Variants in MGLL observed in about 807,000 individuals in gnomAD.
The protein encoded by MGLL is lysophospholipase homolog.
In MGLL, 7 loss-of-function variants were observed where a neutral mutation model predicts 29.1. That is an observed-to-expected ratio of 0.24 (90% CI 0.14 to 0.45). The LOEUF is 0.45. Ranked by LOEUF, MGLL falls within the 20% of genes least tolerant of loss-of-function variation. MGLL has a pLI of 0.99. For missense variants in MGLL, 356 were observed against 413.6 expected, an observed-to-expected ratio of 0.86 and a Z score of 1.21; for synonymous variants, 148 against 168.3, an observed-to-expected ratio of 0.88 and a Z score of 0.93.
Position 127,710,707 on chromosome 3 carries a change from A to G in MGLL, c.511-42T>C, listed in dbSNP as rs370872759. ...AACAAGGGCTGTGAGCACAAGTGGC[A>G]TCCACACCCGGCTCTTCCGCAGTGA... is the stretch of plus-strand genomic sequence containing the variant. On this transcript the variant is annotated intron_variant, in intron 5 of 7. Coordinates refer to ENST00000265052, the MANE Select transcript of MGLL (RefSeq NM_007283.7). 6.8e-6 allele frequency: 10 copies of G among 1,475,590 alleles called. No individual in the cohort carries two copies. The African/African-American group carries it at 1.1e-4, about 17-fold the overall frequency. 91.4% of individuals were successfully genotyped at this position (1,475,590 alleles called of 1,614,324 possible). A position where few individuals can be genotyped will look rare whatever the true frequency, so the allele number is the denominator to read the frequency against.
intron 5 of MGLL, chr3:127,715,636 T>C (rs1463481729): frequency 8.8e-6 from 4 of 455,364 alleles, no homozygotes; most frequent in Admixed American, 4.7e-5. Context: ...GCAGAGGAAG[T>C]GGGTTGATTG....
intron 3 of MGLL, among the ~76,000 whole-genome samples, chr3:127,755,459 TG>T (rs1394969388): frequency 6.6e-6 from 1 of 152,148 alleles, no homozygotes; most frequent in East Asian, 1.9e-4. Flanking sequence ...ATATGCCAGT[TG>T]TAGGTCAATG....
At position 127,808,887 on chromosome 3, in the gene MGLL, A is replaced by G. The variant is rs1053587246; in HGVS notation, c.155+12807T>C. 1.3e-4 allele frequency among the ~76,000 whole-genome samples: 20 copies of G among 152,170 alleles called. 1 individual carries two copies. ...ATCAGCAGCCCAAACACTCACCACCATTTGGATCTTCCATCATTTGGATCC... is the reference window on the plus strand; with the variant it reads ...ATCAGCAGCCCAAACACTCACCACCGTTTGGATCTTCCATCATTTGGATCC... On this transcript the variant is annotated intron_variant, in intron 2 of 7. Transcript: ENST00000265052.
At chr3:127,778,109 T>C (rs1217634199) in intron 3 of MGLL, among the ~76,000 whole-genome samples, 2 of 152,236 alleles carry the variant, frequency 1.3e-5, no homozygotes, top group Admixed American at 1.3e-4. Flanking sequence ...AGTGAAATAC[T>C]GTAATGCATT....
At chr3:127,736,167 T>A in intron 3 of MGLL, 1 of 1,057,976 alleles carries the variant, frequency 9.5e-7, no homozygotes, top group Non-Finnish European at 1.1e-6. Flanking sequence ...CAACCCAAGT[T>A]TCACTTCTGC....
At chr3:127,730,953 A>T (rs2076140365) in intron 3 of MGLL, among the ~76,000 whole-genome samples, 1 of 152,212 alleles carries the variant, frequency 6.6e-6, no homozygotes, top group Non-Finnish European at 1.5e-5. Flanking sequence ...TCACCTGTGC[A>T]TTCCCTAGGG....
intron 2 of MGLL, among the ~76,000 whole-genome samples, chr3:127,792,891 C>T (rs1245558961): frequency 6.6e-6 from 1 of 152,212 alleles, no homozygotes; most frequent in East Asian, 1.9e-4. Flanking sequence ...CCTCTTTACA[C>T]ACATGGCAGG....
At chr3:127,723,673 T>G (rs2075978678) in intron 3 of MGLL, among the ~76,000 whole-genome samples, 4 of 152,212 alleles carry the variant, frequency 2.6e-5, no homozygotes, top group Admixed American at 6.5e-5. Context: ...TATTTTTACT[T>G]TTTACTGTGC....
chr3:127,796,009 T>TCCATGAACATCTTC (rs2077376786), intron 2 of MGLL, among the ~76,000 whole-genome samples: 1 of 152,232 alleles, frequency 6.6e-6, no homozygotes, highest in Admixed American at 6.5e-5. Context: ...TTAACATCTT[T>TCCATGAACATCTTC]CCATGAACAT....
chr3:127,708,486 G>A (rs2075647172), intron 6 of MGLL, among the ~76,000 whole-genome samples: 1 of 152,184 alleles, frequency 6.6e-6, no homozygotes, highest in African/African-American at 2.4e-5. Flanking sequence ...TAAGACCGAA[G>A]AATTTCTCAT....
At chr3:127,710,701 A>G (rs760133851) in intron 5 of MGLL, 36 bp from the exon 6 acceptor site, 1 of 1,500,598 alleles carries the variant, frequency 6.7e-7, no homozygotes, top group Non-Finnish European at 9.1e-7. Context: ...TGTGAGCACA[A>G]GTGGCATCCA....
chr3:127,735,955 C>A, intron 3 of MGLL: 2 of 1,470,058 alleles, frequency 1.4e-6, no homozygotes, highest in Admixed American at 4.8e-5. Flanking sequence ...TCTTAGAGTG[C>A]AAGCGTTAAA....
Position 127,721,193 on chromosome 3 carries a change from G to A in MGLL, c.400-30C>T, listed in dbSNP as rs372204619. The A allele has an allele frequency of 2.5e-6, 4 of 1,589,302 alleles. No individual in the cohort carries two copies. In the African/African-American group the frequency reaches 5.4e-5, roughly 21 times the overall value. On this transcript the variant is annotated intron_variant, in intron 4 of 7. Transcript: ENST00000265052. ...AATGCAGAATGGGCAGAGCTGCTGT[G>A]TTCGGCTTGCACCAGTGCACACATT...
rs148398615 is a variant in MGLL at position 127,692,169 on chromosome 3, G to A, written c.*29C>T. Reference sequence around the variant, plus strand: ...GCCCTTCCCCTGCCTGCATCCCCCAGACCATGAGCCGGGCACCGGCCAATG... The same window carrying A: ...GCCCTTCCCCTGCCTGCATCCCCCAAACCATGAGCCGGGCACCGGCCAATG... On this transcript the variant is annotated 3_prime_UTR_variant, in exon 8 of 8. Transcript: ENST00000265052. The A allele has an allele frequency of 6.6e-7, 1 of 1,520,010 alleles. No individual in the cohort carries two copies. Among genetic ancestry groups the A allele is most frequent in the Non-Finnish European group, 8.8e-7 (1 of 1,132,678 alleles). The allele number at this position is 1,520,010 out of a possible 1,614,324, so 94.2% of individuals were successfully genotyped here.
intron 3 of MGLL, chr3:127,735,801 G>C (rs1294219959): frequency 6.3e-7 from 1 of 1,598,244 alleles, no homozygotes; most frequent in Non-Finnish European, 8.5e-7. Context: ...ATAAATTCTG[G>C]CATTCTCTTG....
At chr3:127,749,191 C>T (rs1051599098) in intron 3 of MGLL, among the ~76,000 whole-genome samples, 3 of 152,212 alleles carry the variant, frequency 2.0e-5, no homozygotes, top group Admixed American at 6.5e-5. Flanking sequence ...CCTGGCGTGC[C>T]GCAGACTCTC....
At chr3:127,765,589 C>G (rs1033471638) in intron 3 of MGLL, among the ~76,000 whole-genome samples, 1 of 152,184 alleles carries the variant, frequency 6.6e-6, no homozygotes, top group African/African-American at 2.4e-5. Flanking sequence ...TGCCCAATTC[C>G]TGTGTGAATA....
intron 3 of MGLL, among the ~76,000 whole-genome samples, chr3:127,727,479 A>T (rs189294084): frequency 1.3e-5 from 2 of 152,278 alleles, no homozygotes; most frequent in Non-Finnish European, 2.9e-5. Flanking sequence ...TGGGAGGCCA[A>T]GGTGGGCAGA....
At chr3:127,786,601 C>T (rs760724280) in intron 2 of MGLL, among the ~76,000 whole-genome samples, 13 of 152,194 alleles carry the variant, frequency 8.5e-5, no homozygotes, top group Non-Finnish European at 1.8e-4. Context: ...ATGAACAAGC[C>T]GCAGAGCCTC....
Sources: gnomAD v4.1 joint callset for allele counts (sites outside exome capture counted in the v4.1 genomes callset) on GRCh38, gnomAD v4.1.1 for gene constraint, MANE v1.5 for transcripts, NCBI Gene and HGNC (gene_info 2026-07-23, HGNC 2026-07-21) for gene names.